Variants in ZNF385D observed in about 807,000 individuals in gnomAD.
ZNF385D encodes zinc finger protein 659.
ZNF385D carries 15 observed loss-of-function variants against 35.8 expected under a neutral mutation model. That is an observed-to-expected ratio of 0.42 (90% CI 0.28 to 0.64). The LOEUF is 0.64. ZNF385D is among the 30% of genes least tolerant of loss of function. The pLI is 0.23. For synonymous variants in ZNF385D, 212 were observed against 186.8 expected, an observed-to-expected ratio of 1.13 and a Z score of -1.10; for missense variants, 474 against 494.6, an observed-to-expected ratio of 0.96 and a Z score of 0.39.
chr3:22,342,385 C>T (rs1210204743), intron 2 of ZNF385D, among the ~76,000 whole-genome samples: 1 of 150,204 alleles, frequency 6.7e-6, no homozygotes. Flanking sequence ...GTTTTAATAT[C>T]TCCTGTAGAC....
chr3:22,176,199 G>C (rs181055929), intron 2 of ZNF385D, among the ~76,000 whole-genome samples: 1 of 143,004 alleles, frequency 7.0e-6, no homozygotes, highest in Middle Eastern at 3.5e-3. Flanking sequence ...AGCTTCAGTG[G>C]TGTGTGTGTG....
intron 1 of ZNF385D, among the ~76,000 whole-genome samples, chr3:21,724,953 G>C (rs538589840): frequency 6.6e-6 from 1 of 152,170 alleles, no homozygotes; most frequent in South Asian, 2.1e-4. Context: ...CTTAGCAAAT[G>C]CAAAAGAACA....
intron 2 of ZNF385D, among the ~76,000 whole-genome samples, chr3:21,598,441 C>G (rs960002034): frequency 1.1e-4 from 17 of 152,158 alleles, no homozygotes; most frequent in Admixed American, 9.8e-4. Flanking sequence ...AAATTGCTGT[C>G]AAGCAGTACA....
intron 3 of ZNF385D, among the ~76,000 whole-genome samples, chr3:21,765,644 A>AG (rs2070795261): frequency 1.7e-5 from 1 of 57,548 alleles, no homozygotes; most frequent in Non-Finnish European, 4.3e-5. Flanking sequence ...CAACAACAAC[A>AG]AAAAAAAAAT....
chr3:21,610,321 G>A (rs139063984), intron 2 of ZNF385D, among the ~76,000 whole-genome samples: 2 of 152,240 alleles, frequency 1.3e-5, no homozygotes, highest in East Asian at 3.9e-4. Context: ...TTAAGCAATA[G>A]AGCAAGATAA....
upstream of ZNF385D, chr3:21,751,500 G>GT: frequency 1.0e-6 from 1 of 963,378 alleles, no homozygotes; most frequent in Non-Finnish European, 1.2e-6. Context: ...CTTTTACCCC[G>GT]CCCCTCCTGT....
At chr3:21,701,490 G>A (rs2067682297) in intron 1 of ZNF385D, among the ~76,000 whole-genome samples, 1 of 152,004 alleles carries the variant, frequency 6.6e-6, no homozygotes, top group African/African-American at 2.4e-5. Context: ...GATTTGGGTG[G>A]GGACACAGCA....
Position 22,131,988 on chromosome 3 carries a change from G to C in ZNF385D, c.325+36829C>G, listed in dbSNP as rs576943610. 3.3e-4 allele frequency among the ~76,000 whole-genome samples: 50 copies of C among 152,298 alleles called. No homozygotes were observed. In the South Asian group the frequency reaches 9.7e-3, roughly 30 times the overall value. The stretch of plus-strand genomic sequence containing the variant: ...AACATATTAAGTATGTTCACCTGTA[G>C]GGGTGCAGGCCTGAAGTAGGAGAAT... On this transcript the variant is annotated intron_variant, in intron 3 of 5. Coordinates refer to the ZNF385D transcript ENST00000494108.
At chr3:21,694,622 A>T (rs959715780) in intron 1 of ZNF385D, among the ~76,000 whole-genome samples, 1 of 152,220 alleles carries the variant, frequency 6.6e-6, no homozygotes, top group Non-Finnish European at 1.5e-5. Context: ...ATGGTGAACT[A>T]TGGTGAAGTA....
intron 1 of ZNF385D, among the ~76,000 whole-genome samples, chr3:21,735,558 C>T (rs1345362619): frequency 6.6e-6 from 1 of 152,142 alleles, no homozygotes; most frequent in Non-Finnish European, 1.5e-5. Context: ...AATGCCTACA[C>T]AGTCACCAGG....
intron 2 of ZNF385D, among the ~76,000 whole-genome samples, chr3:22,287,313 T>A (rs1702076719): frequency 6.6e-6 from 1 of 152,040 alleles, no homozygotes; most frequent in South Asian, 2.1e-4. Context: ...CTTGATTTTT[T>A]ATTCATTAAC....
At chr3:21,861,123 A>G (rs1559699728) in intron 3 of ZNF385D, among the ~76,000 whole-genome samples, 1 of 152,120 alleles carries the variant, frequency 6.6e-6, no homozygotes, top group African/African-American at 2.4e-5. Context: ...CAAGCCAATG[A>G]GGTTGGCCAA....
chr3:22,010,717 C>G (rs966685278), intron 3 of ZNF385D, among the ~76,000 whole-genome samples: 1 of 152,104 alleles, frequency 6.6e-6, no homozygotes, highest in African/African-American at 2.4e-5. Flanking sequence ...CAGAAGAGAA[C>G]CAGGTGAACT....
At chr3:22,139,927 A>G (rs1307619190) in intron 3 of ZNF385D, among the ~76,000 whole-genome samples, 2 of 152,202 alleles carry the variant, frequency 1.3e-5, no homozygotes, top group African/African-American at 2.4e-5. Flanking sequence ...TAAAATGGCT[A>G]AAATGAAAAG....
At chr3:21,633,053 A>C (rs2065326430) in intron 2 of ZNF385D, among the ~76,000 whole-genome samples, 1 of 152,126 alleles carries the variant, frequency 6.6e-6, no homozygotes, top group Non-Finnish European at 1.5e-5. Flanking sequence ...AAAATGCACA[A>C]AAGTCTAAAA....
intron 2 of ZNF385D, among the ~76,000 whole-genome samples, chr3:22,192,845 C>T (rs776320411): frequency 5.9e-4 from 90 of 152,132 alleles, no homozygotes; most frequent in Admixed American, 2.6e-4. Context: ...TTTAATGAAC[C>T]GAGCACTGGG....
intron 2 of ZNF385D, among the ~76,000 whole-genome samples, chr3:21,568,984 A>AAGAT (rs1349313476): frequency 9.2e-5 from 14 of 152,312 alleles, no homozygotes; most frequent in Admixed American, 7.2e-4. Context: ...GATATTTTGA[A>AAGAT]AGATAGAATT....
chr3:21,734,180 G>A (rs1389198514), intron 1 of ZNF385D, among the ~76,000 whole-genome samples: 3 of 151,878 alleles, frequency 2.0e-5, no homozygotes, highest in Non-Finnish European at 4.4e-5. Flanking sequence ...ACAATCTTGT[G>A]ATATTAGCGA....
chr3:22,196,927 C>A (rs1696460674), intron 2 of ZNF385D, among the ~76,000 whole-genome samples: 2 of 151,998 alleles, frequency 1.3e-5, no homozygotes, highest in Admixed American at 1.3e-4. Context: ...CTTTTCTTTG[C>A]CCAAAAATAT....
Sources: gnomAD v4.1 joint callset for allele counts (sites outside exome capture counted in the v4.1 genomes callset) on GRCh38, gnomAD v4.1.1 for gene constraint, MANE v1.5 for transcripts, NCBI Gene and HGNC (gene_info 2026-07-23, HGNC 2026-07-21) for gene names.